Variants in KLF13 observed in about 807,000 individuals in gnomAD.
KLF13 encodes Krueppel-like factor 13.
KLF13 carries 8 observed loss-of-function variants against 16.7 expected under a neutral mutation model. That is an observed-to-expected ratio of 0.48 (90% CI 0.28 to 0.87). The LOEUF (loss-of-function observed/expected upper bound fraction) is 0.87. KLF13 is among the 40% of genes least tolerant of loss of function. The probability of loss-of-function intolerance (pLI) is 0.10; values close to 1 mark genes in which losing one functional copy is unlikely to be tolerated. For synonymous variants in KLF13, 245 were observed against 208.4 expected (o/e 1.18, Z -1.51); for missense variants, 447 against 452.2 (o/e 0.99, Z 0.10).
At chr15:31,386,707 C>T (rs1250004564) in intron 1 of KLF13, among the ~76,000 whole-genome samples, 1 of 152,198 alleles carries the variant, frequency 6.6e-6, no homozygotes, top group Non-Finnish European at 1.5e-5. Flanking sequence ...ACTTTCAAAG[C>T]TAGAGATAAG....
At chr15:31,346,499 A>G (rs1332207009) in intron 1 of KLF13, among the ~76,000 whole-genome samples, 2 of 152,184 alleles carry the variant, frequency 1.3e-5, no homozygotes, top group East Asian at 3.9e-4. Flanking sequence ...ACAGCCAGGC[A>G]GGAGCTCCTC....
chr15:31,399,219 C>A (rs181352872), intron 2 of KLF13, among the ~76,000 whole-genome samples: 110 of 152,272 alleles, frequency 7.2e-4, no homozygotes, highest in African/African-American at 2.6e-3. Context: ...CTGAGTTTTC[C>A]CCCTGCGGCT....
Position 31,372,062 on chromosome 15 carries a change from C to G in KLF13, c.630C>G (p.Arg210=), listed in dbSNP as rs1406099289. The G allele has an allele frequency of 6.2e-7, 1 of 1,612,232 alleles. No individual in the cohort carries two copies. Among genetic ancestry groups the G allele is most frequent in the East Asian group, 2.2e-5 (1 of 44,872 alleles). The stretch of plus-strand genomic sequence containing the variant: ...AGGACTGCAACAAGAAGTTCGCGCG[C>G]TCCGACGAGCTGGCGCGGCACTACC... ...SWQDCNKKFA[R]SDELARHYRT... is the part of the protein sequence containing the mutation. The change falls in exon 2 of 2, where the codon CGC becomes CGG. Residue 210 remains arginine (R), a synonymous_variant. Transcript: ENST00000307145.
chr15:31,405,038 CA>C (rs1374682128), downstream of KLF13, among the ~76,000 whole-genome samples: 2 of 152,156 alleles, frequency 1.3e-5, no homozygotes, highest in African/African-American at 2.4e-5. Context: ...TAGATGGAAC[CA>C]TGTGCCCCTG....
At position 31,423,132 on chromosome 15, in the gene KLF13, C is replaced by CGTATAT. The variant is rs1470955940; in HGVS notation, n.118-12233_118-12232insTGTATA. On this transcript the variant is annotated intron_variant and non_coding_transcript_variant, in intron 1 of 1. Coordinates refer to the KLF13 transcript ENST00000558225. ...GTATACGTATATATACGTATATATA[C>CGTATAT]GTATACGTATACGTATATATACGTA... 6.4e-3 allele frequency among the ~76,000 whole-genome samples: 327 copies of CGTATAT among 50,816 alleles called. 78 individuals carry two copies. The highest frequency in any genetic ancestry group is 7.8e-3 in the African/African-American group (77 of 9,934). The allele number at this position is 50,816 out of a possible 152,430, so 33.3% of individuals were successfully genotyped here.
intron 1 of KLF13, among the ~76,000 whole-genome samples, chr15:31,429,728 T>C (rs2040447844): frequency 1.3e-5 from 2 of 150,234 alleles, no homozygotes; most frequent in African/African-American, 4.9e-5. Context: ...TATTTATTTA[T>C]TTATTTATTT....
chr15:31,397,415 C>T (rs2039968710), intron 2 of KLF13, among the ~76,000 whole-genome samples: 2 of 152,234 alleles, frequency 1.3e-5, no homozygotes, highest in South Asian at 4.1e-4. Flanking sequence ...GGCGGTGGCG[C>T]CCTCTCCTCC....
chr15:31,432,484 C>T lies in KLF13; in HGVS notation n.118-2886C>T, dbSNP rs564902824. The stretch of plus-strand genomic sequence containing the variant: ...TTTTTTTTAAAATAAGGTCTTACTC[C>T]GTTGCCCAGGCTGGAGTGCAGTGGT... On this transcript the variant is annotated intron_variant and non_coding_transcript_variant, in intron 1 of 1. Coordinates refer to the KLF13 transcript ENST00000558225. Among the ~76,000 whole-genome samples, 326 of 146,164 alleles carry T rather than the reference C, an allele frequency of 2.2e-3. 3 individuals carry two copies. Among genetic ancestry groups the T allele is most frequent in the African/African-American group, 7.5e-3 (297 of 39,592 alleles).
At chr15:31,421,874 G>C (rs1031405773) in intron 1 of KLF13, among the ~76,000 whole-genome samples, 2 of 152,190 alleles carry the variant, frequency 1.3e-5, no homozygotes, top group Non-Finnish European at 2.9e-5. Context: ...AGCATTTTGG[G>C]AGGCCAGGAC....
intron 1 of KLF13, among the ~76,000 whole-genome samples, chr15:31,431,237 G>A (rs1026414672): frequency 6.6e-6 from 1 of 151,994 alleles, no homozygotes; most frequent in African/African-American, 2.4e-5. Context: ...CTGGCACCTT[G>A]ATCTCAGACT....
At chr15:31,395,851 C>T (rs1312253038) in intron 2 of KLF13, among the ~76,000 whole-genome samples, 3 of 152,028 alleles carry the variant, frequency 2.0e-5, no homozygotes, top group Non-Finnish European at 4.4e-5. Context: ...ATTGAGTTTC[C>T]CAAGTCATGC....
At chr15:31,396,171 A>T (rs759325623) in intron 2 of KLF13, among the ~76,000 whole-genome samples, 14 of 152,138 alleles carry the variant, frequency 9.2e-5, no homozygotes, top group Non-Finnish European at 2.1e-4. Context: ...GATTACAGGC[A>T]TGCGCTACCA....
chr15:31,434,426 C>T (rs2040506061), intron 1 of KLF13, among the ~76,000 whole-genome samples: 1 of 152,130 alleles, frequency 6.6e-6, no homozygotes, highest in African/African-American at 2.4e-5. Context: ...CGGGAACCAA[C>T]AGTACCCCCC....
intron 2 of KLF13, among the ~76,000 whole-genome samples, chr15:31,402,037 C>T (rs888186515): frequency 1.3e-5 from 2 of 152,368 alleles, no homozygotes; most frequent in South Asian, 2.1e-4. Flanking sequence ...TCGCAGAATG[C>T]AGAGCGTGCC....
intron 1 of KLF13, among the ~76,000 whole-genome samples, chr15:31,348,975 C>T (rs537713411): frequency 3.7e-4 from 56 of 152,222 alleles, no homozygotes; most frequent in African/African-American, 1.3e-3. Context: ...ATAAGGAGGG[C>T]CCTACAGCCT....
At chr15:31,413,706 A>G (rs913616919) in intron 1 of KLF13, among the ~76,000 whole-genome samples, 7 of 152,242 alleles carry the variant, frequency 4.6e-5, no homozygotes, top group Non-Finnish European at 1.0e-4. Flanking sequence ...TCTTGCTATT[A>G]GGCCTGCCTT....
At chr15:31,331,335 A>G (rs2038828235) in intron 1 of KLF13, among the ~76,000 whole-genome samples, 1 of 152,150 alleles carries the variant, frequency 6.6e-6, no homozygotes, top group African/African-American at 2.4e-5. Context: ...GTAGAGTAAG[A>G]TCACATTCTG....
At chr15:31,352,935 C>G (rs532320711) in intron 1 of KLF13, among the ~76,000 whole-genome samples, 60 of 152,194 alleles carry the variant, frequency 3.9e-4, no homozygotes, top group Middle Eastern at 3.4e-3. Context: ...TGGAGCATGA[C>G]GAGGCTGGAC....
intron 1 of KLF13, among the ~76,000 whole-genome samples, chr15:31,428,372 C>T (rs1389539430): frequency 6.6e-6 from 1 of 152,052 alleles, no homozygotes; most frequent in Non-Finnish European, 1.5e-5. Context: ...GAGGAATTAA[C>T]CATGTTTATG....
Sources: allele counts gnomAD v4.1 joint callset (sites outside exome capture counted in the v4.1 genomes callset), GRCh38; gene constraint gnomAD v4.1.1; transcripts MANE v1.5; gene names NCBI Gene and HGNC (gene_info 2026-07-23, HGNC 2026-07-21).